The following RBFOX3 variants were observed in gnomAD, a reference collection of about 807,000 sequenced individuals.
The protein encoded by RBFOX3 is RNA binding protein fox-1 homolog 3.
A neutral mutation model predicts 48.7 loss-of-function variants in RBFOX3; 17 were observed. The observed-to-expected ratio is 0.35, with a 90% CI of 0.24 to 0.52. RBFOX3 has a LOEUF of 0.52. Ranked by LOEUF, RBFOX3 falls within the 20% of genes least tolerant of loss-of-function variation. RBFOX3 has a pLI of 0.94. For synonymous variants in RBFOX3, 212 were observed against 209.5 expected (o/e 1.01, Z -0.10); for missense variants, 382 against 497.5 (o/e 0.77, Z 2.21).
chr17:79,144,621 G>A (rs769666949), intron 4 of RBFOX3, among the ~76,000 whole-genome samples: 1 of 152,214 alleles, frequency 6.6e-6, no homozygotes, highest in Non-Finnish European at 1.5e-5. Flanking sequence ...AGCCACAGGA[G>A]GAGGAAGAAG....
At position 79,560,705 on chromosome 17, in the gene RBFOX3, G is replaced by A. The variant is rs1043312744; in HGVS notation, c.-320+50121C>T. Among the ~76,000 whole-genome samples, 15 of 152,184 alleles carry A rather than the reference G, an allele frequency of 9.9e-5. No individual in the cohort carries two copies. In the East Asian group the frequency reaches 2.1e-3, roughly 22 times the overall value. On this transcript the variant is annotated intron_variant, in intron 1 of 14. Transcript: ENST00000693108. The stretch of plus-strand genomic sequence containing the variant: ...GCCAGAACACTCGTGGCGGGAAGCC[G>A]TTCAGTCTCCATCCACAGATGCCCC...
chr17:79,656,262 C>T, the RBFOX3 span, among the ~76,000 whole-genome samples: 1 of 152,216 alleles, frequency 6.6e-6, no homozygotes, highest in African/African-American at 2.4e-5. Context: ...CTACCCTTGT[C>T]TCCAAAGCAG....
intron 1 of RBFOX3, among the ~76,000 whole-genome samples, chr17:79,578,191 G>T (rs2092925683): frequency 1.3e-5 from 2 of 152,254 alleles, no homozygotes; most frequent in Admixed American, 1.3e-4. Context: ...ACCCGTGGGG[G>T]ATTTTGGCGA....
intron 2 of RBFOX3, among the ~76,000 whole-genome samples, chr17:79,372,553 C>T (rs2147682402): frequency 6.6e-6 from 1 of 152,164 alleles, no homozygotes; most frequent in East Asian, 1.9e-4. Context: ...GGTCTTTCTC[C>T]ATTCTAAATC....
At chr17:79,458,453 G>A (rs2074896593) in intron 2 of RBFOX3, among the ~76,000 whole-genome samples, 1 of 148,506 alleles carries the variant, frequency 6.7e-6, no homozygotes, top group African/African-American at 2.5e-5. Context: ...GTGCATCTGT[G>A]TGTGCATGCC....
intron 2 of RBFOX3, among the ~76,000 whole-genome samples, chr17:79,410,897 C>T (rs928392188): frequency 2.6e-5 from 4 of 152,262 alleles, no homozygotes; most frequent in South Asian, 4.1e-4. Context: ...CCAGCAGGTG[C>T]TTGCTCACTG....
intron 2 of RBFOX3, among the ~76,000 whole-genome samples, chr17:79,396,881 C>T (rs1857891110): frequency 6.6e-6 from 1 of 152,256 alleles, no homozygotes; most frequent in Non-Finnish European, 1.5e-5. Context: ...CTCCACCGGT[C>T]ACGGGTCCGT....
At chr17:79,203,241 C>A (rs1030406428) in intron 4 of RBFOX3, among the ~76,000 whole-genome samples, 3 of 147,256 alleles carry the variant, frequency 2.0e-5, no homozygotes, top group Non-Finnish European at 3.0e-5. Flanking sequence ...ATTACATAGA[C>A]CCTCACTGGC....
rs1357917979 is a variant in RBFOX3 at position 79,242,176 on chromosome 17, T to G, written c.-73-6371A>C. On this transcript the variant is annotated intron_variant, in intron 3 of 14. Coordinates refer to ENST00000693108, the MANE Select transcript of RBFOX3 (RefSeq NM_001350451.2). The surrounding 1 kb of genome is among the most constrained non-coding windows in gnomAD (Gnocchi z 5.8). Reference sequence around the variant, plus strand: ...GTGCCAGGAAAGACCTTGGGAGCTCTGGTTCCCAGCGTGCTGCTGCTGCTG... The same window carrying G: ...GTGCCAGGAAAGACCTTGGGAGCTCGGGTTCCCAGCGTGCTGCTGCTGCTG... 1.3e-5 allele frequency among the ~76,000 whole-genome samples: 2 copies of G among 152,184 alleles called. No individual in the cohort carries two copies. The highest frequency in any genetic ancestry group is 3.9e-4 in the East Asian group (2 of 5,188).
chr17:79,584,329 G>A lies in RBFOX3; in HGVS notation c.-320+26497C>T, dbSNP rs981454958. On this transcript the variant is annotated intron_variant, in intron 1 of 14. Coordinates refer to ENST00000693108, the MANE Select transcript of RBFOX3 (RefSeq NM_001350451.2). Reference sequence around the variant, plus strand: ...GTACAGCCACTATGGAAAACAGTGCGGAGATTCCTTAAAGAACTATAAGTA... The same window carrying A: ...GTACAGCCACTATGGAAAACAGTGCAGAGATTCCTTAAAGAACTATAAGTA... 6.6e-4 allele frequency among the ~76,000 whole-genome samples: 100 copies of A among 152,238 alleles called. 1 individual carries two copies. The highest frequency in any genetic ancestry group is 2.3e-3 in the African/African-American group (94 of 41,542).
chr17:79,192,658 G>A (rs8074616), intron 4 of RBFOX3, among the ~76,000 whole-genome samples: 3,044 of 152,224 alleles, frequency 0.02, 81 homozygotes, highest in African/African-American at 0.067. Context: ...TGGAAGGACC[G>A]GGCACGAGAG....
At chr17:79,230,417 A>G (rs891014349) in intron 4 of RBFOX3, among the ~76,000 whole-genome samples, 11 of 151,486 alleles carry the variant, frequency 7.3e-5, no homozygotes, top group South Asian at 2.1e-4. Context: ...CCGCCACCAT[A>G]CCCGGCTAAT....
At chr17:79,278,601 G>A (rs578124386) in intron 3 of RBFOX3, among the ~76,000 whole-genome samples, 3 of 152,350 alleles carry the variant, frequency 2.0e-5, no homozygotes, top group African/African-American at 7.2e-5. Context: ...GTGCCGGCCG[G>A]GCCTGTGCCC....
chr17:79,253,444 G>A (rs57193774), intron 3 of RBFOX3, among the ~76,000 whole-genome samples: 11,955 of 152,178 alleles, frequency 0.079, 493 homozygotes, highest in South Asian at 0.11. Context: ...CTTTCTTTAT[G>A]GACCATTAAA....
rs748865469 is a variant in RBFOX3, at chr17:79,363,764, C to T, written c.-174-55940G>A. 6.6e-6 allele frequency among the ~76,000 whole-genome samples: 1 copy of T among 152,082 alleles called. No individual in the cohort carries two copies. The highest frequency in any genetic ancestry group is 6.5e-5 in the Admixed American group (1 of 15,274). ...CCAGCCTCCATGCTCAGCCCGTCCG[C>T]CCCCCAGCAGCCTGGGTCTGACTGA... On this transcript the variant is annotated intron_variant, in intron 2 of 14. Transcript: ENST00000693108. This position sits in a 1 kb window ranked among gnomAD's most constrained non-coding sequence, Gnocchi z 4.7.
the RBFOX3 span, among the ~76,000 whole-genome samples, chr17:79,620,048 CACATGCACACATATGT>C: frequency 5.3e-5 from 8 of 151,408 alleles, no homozygotes; most frequent in South Asian, 2.1e-4. Flanking sequence ...TGCACACACG[CACATGCACACATATGT>C]ACATGCACAC....
the RBFOX3 span, among the ~76,000 whole-genome samples, chr17:79,619,291 G>A: frequency 6.6e-6 from 1 of 152,168 alleles, no homozygotes; most frequent in African/African-American, 2.4e-5. Flanking sequence ...ACCAGAGGCT[G>A]AAAACACAGA....
At chr17:79,652,403 A>G in the RBFOX3 span, among the ~76,000 whole-genome samples, 1 of 151,432 alleles carries the variant, frequency 6.6e-6, no homozygotes, top group South Asian at 2.1e-4. Flanking sequence ...TTATGATTGT[A>G]CCAGTGCACT....
intron 1 of RBFOX3, among the ~76,000 whole-genome samples, chr17:79,589,218 G>A (rs934229096): frequency 6.6e-5 from 10 of 152,104 alleles, no homozygotes; most frequent in East Asian, 3.9e-4. Flanking sequence ...CTTGCGCTGC[G>A]GCAGGCTGCC....
Sources: gnomAD v4.1 joint callset for allele counts (sites outside exome capture counted in the v4.1 genomes callset) on GRCh38, gnomAD v4.1.1 for gene constraint, Gnocchi (gnomAD v3.1) non-coding constraint, MANE v1.5 for transcripts, NCBI Gene and HGNC (gene_info 2026-07-23, HGNC 2026-07-21) for gene names.